Variants in NRF1 observed in about 807,000 individuals in gnomAD.
NRF1 encodes the protein alpha palindromic-binding protein.
In NRF1, 5 loss-of-function variants were observed where a neutral mutation model predicts 58.5. That is an observed-to-expected ratio of 0.09 (90% CI 0.04 to 0.18). The LOEUF is 0.18. Ranked by LOEUF, NRF1 falls within the 10% of genes least tolerant of loss-of-function variation. NRF1 has a pLI of 1.00. For synonymous variants in NRF1, 224 were observed against 246.7 expected (o/e 0.91, Z 0.86); for missense variants, 288 against 657.7 (o/e 0.44, Z 6.15).
intron 1 of NRF1, among the ~76,000 whole-genome samples, chr7:129,631,629 T>C (rs377080269): frequency 5.3e-5 from 8 of 152,184 alleles, no homozygotes; most frequent in African/African-American, 1.7e-4. Context: ...AGCCTGGTTT[T>C]ATCATAGCAT....
intron 2 of NRF1, among the ~76,000 whole-genome samples, chr7:129,667,490 A>G (rs533145216): frequency 1.4e-3 from 217 of 151,924 alleles, no homozygotes; most frequent in Non-Finnish European, 1.9e-3. Flanking sequence ...TTATTGATCT[A>G]TATTTTGTAT....
intron 1 of NRF1, among the ~76,000 whole-genome samples, chr7:129,621,335 A>G (rs763755117): frequency 1.3e-5 from 2 of 152,220 alleles, no homozygotes; most frequent in South Asian, 2.1e-4. Flanking sequence ...CTTGGTAAAT[A>G]CAAGAATGAT....
intron 2 of NRF1, among the ~76,000 whole-genome samples, chr7:129,659,409 A>AT (rs889962043): frequency 7.2e-5 from 11 of 152,066 alleles, no homozygotes; most frequent in African/African-American, 4.8e-5. Context: ...AATAATGTTA[A>AT]TTTTTTTTCC....
chr7:129,744,130 C>CTT lies in NRF1; in HGVS notation c.1349-10869_1349-10868dup, dbSNP rs35034726. ...GGCTGGTGGCCCATCTTGCCCGGTG[C>CTT]TTTTTTTTTTTTTTTTTTTTAACAG... On this transcript the variant is annotated intron_variant, in intron 10 of 10. Transcript: ENST00000393232. The CTT allele has an allele frequency of 9.9e-3, 11,937 of 1,204,248 alleles. 15 individuals carry two copies. Among genetic ancestry groups the CTT allele is most frequent in the Middle Eastern group, 0.013 (44 of 3,496 alleles). 74.6% of individuals were successfully genotyped at this position (1,204,248 alleles called of 1,614,324 possible).
Position 129,677,853 on chromosome 7 carries a change from C to A in NRF1, c.465+95C>A, listed in dbSNP as rs1802218663. The A allele has an allele frequency of 4.8e-6, 7 of 1,450,124 alleles. No homozygotes were observed. The Admixed American group carries it at 1.3e-4, about 28-fold the overall frequency. The allele number at this position is 1,450,124 out of a possible 1,614,324, so 89.8% of individuals were successfully genotyped here. ...CTGTCAAGTATAACAGTTGGCATTT[C>A]TGTTACCCCCTAATCCAGGCATGGG... On this transcript the variant is annotated intron_variant, in intron 4 of 10. Transcript: ENST00000393232.
chr7:129,733,860 C>CA (rs1013648738), intron 10 of NRF1, among the ~76,000 whole-genome samples: 4 of 151,742 alleles, frequency 2.6e-5, no homozygotes, highest in African/African-American at 9.7e-5. Flanking sequence ...CCTGTTTCTA[C>CA]AAAAAATATA....
intron 5 of NRF1, 79 bp from the exon 6 acceptor site, chr7:129,708,996 T>C: frequency 7.5e-6 from 9 of 1,201,480 alleles, no homozygotes; most frequent in Non-Finnish European, 9.8e-6. Context: ...CTCTGTTTTA[T>C]AAGGTTAGAA....
chr7:129,691,747 A>G (rs979221960), intron 5 of NRF1, among the ~76,000 whole-genome samples: 3 of 152,090 alleles, frequency 2.0e-5, no homozygotes, highest in African/African-American at 7.2e-5. Context: ...AGCATTTGAC[A>G]TAGTTGATTA....
chr7:129,752,081 C>T (rs1238884623), intron 10 of NRF1, among the ~76,000 whole-genome samples: 4 of 152,172 alleles, frequency 2.6e-5, no homozygotes, highest in Non-Finnish European at 5.9e-5. Flanking sequence ...TGAAATAAGC[C>T]AGAGCCAGGC....
intron 2 of NRF1, among the ~76,000 whole-genome samples, chr7:129,665,540 G>A (rs1026005729): frequency 2.0e-5 from 3 of 152,296 alleles, no homozygotes; most frequent in South Asian, 4.1e-4. Context: ...GCAACTAAAC[G>A]AAATCTTCAA....
chr7:129,703,567 C>A (rs774361709), intron 5 of NRF1, among the ~76,000 whole-genome samples: 26 of 152,134 alleles, frequency 1.7e-4, no homozygotes, highest in Non-Finnish European at 2.4e-4. Flanking sequence ...ATAAAAAGAA[C>A]CTGTAGGAAG....
chr7:129,751,616 T>C (rs1023168730), intron 10 of NRF1, among the ~76,000 whole-genome samples: 1 of 152,264 alleles, frequency 6.6e-6, no homozygotes, highest in Non-Finnish European at 1.5e-5. Flanking sequence ...TTGCTCACAG[T>C]TAGTTAGAAA....
intron 2 of NRF1, among the ~76,000 whole-genome samples, chr7:129,669,239 G>A (rs917870374): frequency 6.6e-5 from 10 of 152,056 alleles, no homozygotes; most frequent in Non-Finnish European, 1.0e-4. Flanking sequence ...GAGCCACTGC[G>A]CCTGGCCAGA....
In NRF1 at chr7:129,650,389, C is replaced by T. The variant is rs141478955; in HGVS notation, c.-6-6957C>T. On this transcript the variant is annotated intron_variant, in intron 1 of 10. Transcript: ENST00000393232. Reference sequence around the variant, plus strand: ...CACTGTTGTGAAATTATGCTAGGGGCCTTGGTTTCCTATAGTTTCTTTATT... The same window carrying T: ...CACTGTTGTGAAATTATGCTAGGGGTCTTGGTTTCCTATAGTTTCTTTATT... Among the ~76,000 whole-genome samples the T allele has an allele frequency of 4.5e-3, 680 of 151,964 alleles. 6 individuals are homozygous for T. The highest frequency in any genetic ancestry group is 6.6e-3 in the Non-Finnish European group (449 of 67,982).
At chr7:129,641,600 C>T (rs977857133) in intron 1 of NRF1, 1 of 152,010 alleles carries the variant, frequency 6.6e-6, no homozygotes, top group African/African-American at 2.4e-5. Context: ...CATAAGTGTA[C>T]GATTACTCAA....
chr7:129,710,469 G>A lies in NRF1; in HGVS notation c.861G>A (p.Thr287=), dbSNP rs762284611. 6.2e-6 allele frequency: 10 copies of A among 1,613,114 alleles called. No homozygotes were observed. Among genetic ancestry groups the A allele is most frequent in the African/African-American group, 4.0e-5 (3 of 74,896 alleles). ...DLLYAFEDQQ[T]QTQATATHSI... is the part of the protein sequence containing the mutation. ...TGTATGCCTTTGAAGATCAGCAAACGCAAACACAGGCCACAGCCACACATA... is the reference window on the plus strand; with the variant it reads ...TGTATGCCTTTGAAGATCAGCAAACACAAACACAGGCCACAGCCACACATA... The change falls in exon 7 of 11, where the codon ACG becomes ACA. Residue 287 remains threonine (T), a synonymous_variant. Coordinates refer to ENST00000393232, the MANE Select transcript of NRF1 (RefSeq NM_005011.5).
intron 10 of NRF1, among the ~76,000 whole-genome samples, chr7:129,750,755 T>G (rs71583720): frequency 0.13 from 19,463 of 152,248 alleles, 1,601 homozygotes; most frequent in Admixed American, 0.23. Flanking sequence ...AGATGGAATC[T>G]TTCAAAAACA....
chr7:129,616,473 G>T (rs1175671765), intron 1 of NRF1, among the ~76,000 whole-genome samples: 1 of 152,184 alleles, frequency 6.6e-6, no homozygotes, highest in African/African-American at 2.4e-5. Flanking sequence ...GGTGGCATAT[G>T]CCTATAGTTT....
chr7:129,684,153 A>G (rs1370664393), intron 4 of NRF1, among the ~76,000 whole-genome samples: 1 of 152,168 alleles, frequency 6.6e-6, no homozygotes, highest in African/African-American at 2.4e-5. Context: ...AAAAAATAGA[A>G]TAAATAAACG....
Sources: gnomAD v4.1 joint callset for allele counts (sites outside exome capture counted in the v4.1 genomes callset) on GRCh38, gnomAD v4.1.1 for gene constraint, MANE v1.5 for transcripts, NCBI Gene and HGNC (gene_info 2026-07-23, HGNC 2026-07-21) for gene names.